The following KCNIP4 variants were observed in gnomAD, a reference collection of about 807,000 sequenced individuals.
The protein encoded by KCNIP4 is potassium voltage-gated channel interacting protein 4, also known as Kv channel-interacting protein 4.
A neutral mutation model predicts 34.0 loss-of-function variants in KCNIP4; 12 were observed. The ratio of observed to expected loss-of-function variants is 0.35; its 90% CI spans 0.23 to 0.57. KCNIP4 has a LOEUF of 0.57. Among genes scored for constraint, KCNIP4 ranks in the 20% least tolerant of loss-of-function variants. The pLI is 0.83. For missense variants in KCNIP4, 238 were observed against 311.7 expected (o/e 0.76, Z 1.78); for synonymous variants, 124 against 102.2 (o/e 1.21, Z -1.29).
chr4:21,088,281 TAA>T (rs1746652269), intron 1 of KCNIP4, among the ~76,000 whole-genome samples: 1 of 152,120 alleles, frequency 6.6e-6, no homozygotes, highest in African/African-American at 2.4e-5. Flanking sequence ...GTAGAACTTT[TAA>T]AGCTAAAATT....
At chr4:21,896,018 G>T (rs1171838078) in intron 1 of KCNIP4, among the ~76,000 whole-genome samples, 1 of 152,128 alleles carries the variant, frequency 6.6e-6, no homozygotes, top group African/African-American at 2.4e-5. Flanking sequence ...ATGAGGCTTT[G>T]CCAACTCCAT....
At chr4:21,113,899 A>G (rs977378736) in intron 1 of KCNIP4, among the ~76,000 whole-genome samples, 6 of 152,280 alleles carry the variant, frequency 3.9e-5, no homozygotes, top group Admixed American at 2.0e-4. Flanking sequence ...CTAATACACC[A>G]TAATTAGTTT....
chr4:21,506,928 A>G (rs1733893565), intron 1 of KCNIP4, among the ~76,000 whole-genome samples: 1 of 151,888 alleles, frequency 6.6e-6, no homozygotes, highest in African/African-American at 2.4e-5. Flanking sequence ...AGTAGATGGG[A>G]CTACAGGTGT....
intron 1 of KCNIP4, among the ~76,000 whole-genome samples, chr4:21,352,597 C>G (rs1430432714): frequency 1.3e-5 from 2 of 152,188 alleles, no homozygotes; most frequent in Non-Finnish European, 2.9e-5. Context: ...ATTGCTGAGG[C>G]TTGAGCAGGT....
At chr4:21,317,583 G>T (rs1054284751) in intron 1 of KCNIP4, among the ~76,000 whole-genome samples, 5 of 152,156 alleles carry the variant, frequency 3.3e-5, no homozygotes, top group African/African-American at 7.2e-5. Flanking sequence ...AATAGAAAGT[G>T]TGCATATTTA....
At chr4:21,225,797 G>T (rs1758338416) in intron 1 of KCNIP4, among the ~76,000 whole-genome samples, 1 of 152,100 alleles carries the variant, frequency 6.6e-6, no homozygotes, top group African/African-American at 2.4e-5. Context: ...TTGGAAGAAG[G>T]TATTTAAAAG....
intron 1 of KCNIP4, among the ~76,000 whole-genome samples, chr4:21,804,579 C>T (rs1721186470): frequency 2.6e-5 from 4 of 152,144 alleles, no homozygotes; most frequent in Non-Finnish European, 5.9e-5. Flanking sequence ...GCATCAGCTG[C>T]TTCATGTTTG....
intron 1 of KCNIP4, among the ~76,000 whole-genome samples, chr4:21,361,304 T>C (rs942960236): frequency 6.6e-6 from 1 of 152,086 alleles, no homozygotes. Context: ...TATTTCATCA[T>C]AATGAAATCA....
intron 3 of KCNIP4, among the ~76,000 whole-genome samples, chr4:20,800,073 T>A (rs944358284): frequency 1.3e-5 from 2 of 152,192 alleles, no homozygotes; most frequent in South Asian, 4.1e-4. Flanking sequence ...AAGAACAGAA[T>A]GATTCCCAAA....
intron 1 of KCNIP4, among the ~76,000 whole-genome samples, chr4:21,695,555 T>G (rs895015389): frequency 6.6e-6 from 1 of 152,136 alleles, no homozygotes; most frequent in Non-Finnish European, 1.5e-5. Context: ...TTCCATATTA[T>G]AAAGTACCAT....
chr4:20,876,195 T>C (rs767105098), intron 2 of KCNIP4, among the ~76,000 whole-genome samples: 11 of 152,268 alleles, frequency 7.2e-5, no homozygotes, highest in Admixed American at 3.3e-4. Context: ...ATACAGATAA[T>C]CAAGTGTTGA....
rs571648576 is a variant in KCNIP4, at chr4:21,393,471, G to A, written c.62-510762C>T. On this transcript the variant is annotated intron_variant, in intron 1 of 8. Coordinates refer to ENST00000382152, the MANE Select transcript of KCNIP4 (RefSeq NM_025221.6). ...GCAGGGGTGGCACCACCCATTTTCA[G>A]AAAGGCCACCACAAAGAGACATGGC... Among the ~76,000 whole-genome samples, 12 of 152,246 alleles carry A rather than the reference G, an allele frequency of 7.9e-5. No homozygotes were observed. In the South Asian group the frequency reaches 2.5e-3, roughly 32 times the overall value.
intron 1 of KCNIP4, among the ~76,000 whole-genome samples, chr4:21,419,968 A>C (rs1366062306): frequency 6.6e-6 from 1 of 152,174 alleles, no homozygotes; most frequent in African/African-American, 2.4e-5. Context: ...AACGTCAAAA[A>C]TAATTATAAA....
rs1447941114 is a variant in KCNIP4, at chr4:20,729,313, A to ATGAT, written c.*765_*768dup. On this transcript the variant is annotated 3_prime_UTR_variant, in exon 9 of 9. Transcript: ENST00000382152. ...TGATGCCTTCTTCAACTTCCACTTA[A>ATGAT]TGATTGATACTAATGATTGATACAA... The ATGAT allele has an allele frequency of 1.3e-5, 2 of 152,108 alleles. No homozygotes were observed. Among genetic ancestry groups the ATGAT allele is most frequent in the Non-Finnish European group, 1.5e-5 (1 of 67,976 alleles). The allele number at this position is 152,108 out of a possible 1,614,324, so 9.4% of individuals were successfully genotyped here.
chr4:21,601,430 C>T (rs1050104436), intron 1 of KCNIP4, among the ~76,000 whole-genome samples: 4 of 151,948 alleles, frequency 2.6e-5, no homozygotes, highest in African/African-American at 9.7e-5. Flanking sequence ...TGCTGTTCTG[C>T]TTCTGGCCTC....
chr4:21,895,565 A>T (rs1249618702), intron 1 of KCNIP4, among the ~76,000 whole-genome samples: 1 of 152,192 alleles, frequency 6.6e-6, no homozygotes. Flanking sequence ...GAATTAAATA[A>T]GTCCACACAT....
chr4:21,041,062 T>G (rs58955220), intron 1 of KCNIP4, among the ~76,000 whole-genome samples: 3,505 of 152,160 alleles, frequency 0.023, 136 homozygotes, highest in African/African-American at 0.08. Context: ...CCAACATCCC[T>G]TTCACATCTA....
intron 1 of KCNIP4, among the ~76,000 whole-genome samples, chr4:21,519,759 GTATGTGTGTATACACACGTGTGTGTA>G (rs1560481205): frequency 2.0e-4 from 28 of 139,830 alleles, no homozygotes; most frequent in African/African-American, 6.8e-4. Flanking sequence ...GTGTGTGTAT[GTATGTGTGTATACACACGTGTGTGTA>G]TGTGTGTGTA....
intron 1 of KCNIP4, among the ~76,000 whole-genome samples, chr4:21,276,885 T>C (rs1466564398): frequency 3.3e-5 from 5 of 152,202 alleles, no homozygotes; most frequent in Non-Finnish European, 7.3e-5. Flanking sequence ...ATCAGTGTCA[T>C]TCCTTCTTTC....
Sources: gnomAD v4.1 joint callset for allele counts (sites outside exome capture counted in the v4.1 genomes callset) on GRCh38, gnomAD v4.1.1 for gene constraint, MANE v1.5 for transcripts, NCBI Gene and HGNC (gene_info 2026-07-23, HGNC 2026-07-21) for gene names.